The following TRPM6 variants were observed in gnomAD, a reference collection of about 807,000 sequenced individuals.
TRPM6 encodes the protein channel kinase 2.
TRPM6 carries 111 observed loss-of-function variants against 247.6 expected under a neutral mutation model. That is an observed-to-expected ratio of 0.45 (90% CI 0.38 to 0.52). The LOEUF (loss-of-function observed/expected upper bound fraction) is 0.52. TRPM6 is among the 20% of genes least tolerant of loss of function. TRPM6 has a pLI of 0.00. For synonymous variants in TRPM6, 892 were observed against 853.8 expected (o/e 1.04, Z -0.78); for missense variants, 2,126 against 2,421.5 (o/e 0.88, Z 2.56).
intron 27 of TRPM6, 75 bp downstream of exon 27, chr9:74,761,621 A>T (rs1826634970): frequency 1.1e-6 from 1 of 886,842 alleles, no homozygotes; most frequent in Non-Finnish European, 1.9e-6. Context: ...ACTTTACAGT[A>T]AAGATAAATC....
chr9:74,866,794 A>T (rs1461097209), intron 1 of TRPM6, among the ~76,000 whole-genome samples: 1 of 152,070 alleles, frequency 6.6e-6, no homozygotes, highest in East Asian at 1.9e-4. Flanking sequence ...GGAGTATCTT[A>T]TTTCCAAAAG....
chr9:74,784,755 T>C (rs897170566), intron 21 of TRPM6, among the ~76,000 whole-genome samples: 4 of 152,198 alleles, frequency 2.6e-5, no homozygotes, highest in African/African-American at 9.7e-5. Context: ...CATTTGCTAA[T>C]ACTAGTTTGT....
intron 27 of TRPM6, among the ~76,000 whole-genome samples, chr9:74,757,308 G>A (rs139081287): frequency 2.0e-5 from 3 of 152,236 alleles, no homozygotes; most frequent in African/African-American, 7.2e-5. Context: ...GGCTGGGCAT[G>A]GTGGCTTATG....
At chr9:74,779,851 G>A (rs1263803982) in intron 23 of TRPM6, among the ~76,000 whole-genome samples, 2 of 152,204 alleles carry the variant, frequency 1.3e-5, no homozygotes, top group African/African-American at 4.8e-5. Context: ...AGAGGAATGG[G>A]TCAGGGGAAG....
At chr9:74,752,706 G>A (rs1826292228) in intron 28 of TRPM6, among the ~76,000 whole-genome samples, 1 of 152,078 alleles carries the variant, frequency 6.6e-6, no homozygotes, top group South Asian at 2.1e-4. Flanking sequence ...GCACACTATT[G>A]CACATGCTTT....
rs141809291 is a variant in TRPM6, at chr9:74,752,268, T to A, written c.4998+9A>T. On this transcript the variant is annotated intron_variant, in intron 29 of 38. Coordinates refer to ENST00000360774, the MANE Select transcript of TRPM6 (RefSeq NM_017662.5). ...ATGCTTTTTTTTTTAACTCCTAAAA[T>A]ATTTTTACCTCTTGAGACTGCTTTA... 1.2e-4 allele frequency: 188 copies of A among 1,523,240 alleles called. 1 individual carries two copies. The African/African-American group carries it at 1.7e-3, about 14-fold the overall frequency. 94.4% of individuals were successfully genotyped at this position (1,523,240 alleles called of 1,614,324 possible). A position where few individuals can be genotyped will look rare whatever the true frequency, so the allele number is the denominator to read the frequency against.
intron 25 of TRPM6, among the ~76,000 whole-genome samples, chr9:74,767,121 A>T (rs1448829672): frequency 6.6e-6 from 1 of 152,160 alleles, no homozygotes; most frequent in African/African-American, 2.4e-5. Context: ...TCATGCTGGG[A>T]GGTGTCACAG....
intron 27 of TRPM6, among the ~76,000 whole-genome samples, chr9:74,756,106 T>A (rs1375816297): frequency 2.0e-5 from 3 of 152,224 alleles, no homozygotes; most frequent in African/African-American, 7.2e-5. Flanking sequence ...ATTATTGAAC[T>A]CAGTTGCAAT....
intron 3 of TRPM6, among the ~76,000 whole-genome samples, chr9:74,850,243 G>C (rs1051278325): frequency 6.6e-6 from 1 of 151,932 alleles, no homozygotes; most frequent in Non-Finnish European, 1.5e-5. Context: ...GTGGTGGCAC[G>C]TGCCTGTAAT....
intron 3 of TRPM6, among the ~76,000 whole-genome samples, chr9:74,846,930 A>G (rs1297630106): frequency 6.6e-6 from 1 of 152,194 alleles, no homozygotes; most frequent in Non-Finnish European, 1.5e-5. Flanking sequence ...GTTTGTTTAC[A>G]CGTTCCAAAA....
In TRPM6 at chr9:74,850,980, G is replaced by A. The variant is rs368798620; in HGVS notation, c.152+4547C>T. Among the ~76,000 whole-genome samples the A allele has an allele frequency of 4.5e-4, 69 of 152,234 alleles. 2 individuals carry two copies. The South Asian group carries it at 0.014, about 30-fold the overall frequency. ...TTTTTCTACACAAAACATAAATTGA[G>A]GTAACCTCATCTGGAGAGATAACTC... On this transcript the variant is annotated intron_variant, in intron 3 of 38. Coordinates refer to ENST00000360774, the MANE Select transcript of TRPM6 (RefSeq NM_017662.5).
At position 74,792,550 on chromosome 9, in the gene TRPM6, C is replaced by T. The variant is rs371294112; in HGVS notation, c.2538+74G>A. ...ACATTTTTAATGCAAAGTGGCAAAT[C>T]AGGCATATTATCAACATCATCACTA... On this transcript the variant is annotated intron_variant, in intron 19 of 38. Transcript: ENST00000360774. 6,544 of 1,500,122 alleles carry T rather than the reference C, an allele frequency of 4.4e-3. 24 individuals carry two copies. Among genetic ancestry groups the T allele is most frequent in the South Asian group, 6.4e-3 (570 of 88,462 alleles). 92.9% of individuals were successfully genotyped at this position (1,500,122 alleles called of 1,614,324 possible). A position where few individuals can be genotyped will look rare whatever the true frequency, so the allele number is the denominator to read the frequency against.
chr9:74,755,343 T>A lies in TRPM6; in HGVS notation c.4906+10A>T, dbSNP rs373889813. The A allele has an allele frequency of 3.1e-6, 5 of 1,613,994 alleles. No individual in the cohort carries two copies. Among genetic ancestry groups the A allele is most frequent in the Non-Finnish European group, 4.2e-6 (5 of 1,179,952 alleles). ...GGTTTTTGGGATCCAAAATTGTAGA[T>A]GTTACATACCTGTGTGACTAAATTT... is the stretch of plus-strand genomic sequence containing the variant. On this transcript the variant is annotated intron_variant, in intron 28 of 38. Transcript: ENST00000360774.
intron 37 of TRPM6, among the ~76,000 whole-genome samples, chr9:74,730,223 T>C (rs1234683208): frequency 6.6e-6 from 1 of 152,178 alleles, no homozygotes; most frequent in Non-Finnish European, 1.5e-5. Flanking sequence ...TATACATAGA[T>C]CTACTAAAGA....
Position 74,739,441 on chromosome 9 carries a change from T to C in TRPM6, c.5496A>G (p.Gln1832=), listed in dbSNP as rs1334917366. The change falls in exon 35 of 39, where the codon CAA becomes CAG. Residue 1832 remains glutamine, a synonymous_variant. Transcript: ENST00000360774. ...TCAATTTTTGAGCAGCTCTTTGTTGTTGAATTTCCTACAAAATAGGGAGCA... is the reference window on the plus strand; with the variant it reads ...TCAATTTTTGAGCAGCTCTTTGTTGCTGAATTTCCTACAAAATAGGGAGCA... ...TVLHLCLREI[Q]QQRAAQKLIY... The C allele has an allele frequency of 3.1e-6, 5 of 1,613,964 alleles. No homozygotes were observed. The highest frequency in any genetic ancestry group is 1.7e-6 in the Non-Finnish European group (2 of 1,179,946).
rs17060550 is a variant in TRPM6 at position 74,810,722 on chromosome 9, A to C, written c.1497+93T>G. 0.24 allele frequency: 270,663 copies of C among 1,105,702 alleles called. 34,391 individuals are homozygous for C. Among genetic ancestry groups the C allele is most frequent in the African/African-American group, 0.35 (22,594 of 64,954 alleles). The allele number at this position is 1,105,702 out of a possible 1,614,324, so 68.5% of individuals were successfully genotyped here. On this transcript the variant is annotated intron_variant, in intron 13 of 38. Coordinates refer to ENST00000360774, the MANE Select transcript of TRPM6 (RefSeq NM_017662.5). The stretch of plus-strand genomic sequence containing the variant: ...ATAGGTAATTAACAAAACAATCCAA[A>C]TCTGCATTTTACAAAGCAAAATTCA...
rs1452179571 is a variant in TRPM6, at chr9:74,753,028, G to A, written c.4907-660C>T. Among the ~76,000 whole-genome samples the A allele has an allele frequency of 4.1e-5, 6 of 147,904 alleles. No individual in the cohort carries two copies. In the South Asian group the frequency reaches 8.5e-4, roughly 21 times the overall value. On this transcript the variant is annotated intron_variant, in intron 28 of 38. Coordinates refer to ENST00000360774, the MANE Select transcript of TRPM6 (RefSeq NM_017662.5). ...CTCAGGAGGCTGAGGCAAGAGAATC[G>A]CTTGAACCCCGAAGGCGGAGGTTGC...
At chr9:74,784,259 T>C in intron 21 of TRPM6, among the ~76,000 whole-genome samples, 1 of 133,376 alleles carries the variant, frequency 7.5e-6, no homozygotes, top group South Asian at 2.3e-4. Context: ...CAAGACTCCA[T>C]CTCAGAAAAA....
intron 25 of TRPM6, among the ~76,000 whole-genome samples, chr9:74,763,340 T>C (rs978197921): frequency 3.9e-5 from 6 of 152,204 alleles, no homozygotes; most frequent in African/African-American, 1.2e-4. Flanking sequence ...CTACTACCCA[T>C]AGGAGAGGAA....
Sources: allele counts gnomAD v4.1 joint callset (sites outside exome capture counted in the v4.1 genomes callset), GRCh38; gene constraint gnomAD v4.1.1; transcripts MANE v1.5; gene names NCBI Gene and HGNC (gene_info 2026-07-23, HGNC 2026-07-21).